Variants in EML5 observed in about 807,000 individuals in gnomAD.
The protein encoded by EML5 is echinoderm microtubule-associated protein-like 5.
EML5 carries 120 observed loss-of-function variants against 250.0 expected under a neutral mutation model. The ratio of observed to expected loss-of-function variants is 0.48; its 90% confidence interval spans 0.41 to 0.56. The LOEUF (loss-of-function observed/expected upper bound fraction) is 0.56, where lower values mean the gene tolerates loss of function less well. EML5 is among the 20% of genes least tolerant of loss of function. The pLI is 0.00. For missense variants in EML5, 2,006 were observed against 2,437.6 expected (o/e 0.82, Z 3.73); for synonymous variants, 771 against 806.5 (o/e 0.96, Z 0.75).
chr14:88,776,622 T>C (rs1222181608), intron 1 of EML5, among the ~76,000 whole-genome samples: 1 of 151,986 alleles, frequency 6.6e-6, no homozygotes, highest in Non-Finnish European at 1.5e-5. Context: ...GGCTCACACC[T>C]GTAATCCCAG....
intron 8 of EML5, among the ~76,000 whole-genome samples, chr14:88,723,225 C>T (rs898997283): frequency 3.9e-5 from 6 of 151,966 alleles, no homozygotes; most frequent in African/African-American, 7.2e-5. Context: ...CAAGCCTGGG[C>T]AACACAGTGA....
intron 33 of EML5, among the ~76,000 whole-genome samples, chr14:88,628,944 AG>A (rs1450884135): frequency 6.6e-6 from 1 of 152,108 alleles, no homozygotes; most frequent in Non-Finnish European, 1.5e-5. Context: ...ATAATAAAAT[AG>A]GTTATTTATG....
At chr14:88,672,349 T>C (rs770486405) in intron 21 of EML5, among the ~76,000 whole-genome samples, 51 of 152,030 alleles carry the variant, frequency 3.4e-4, no homozygotes, top group Non-Finnish European at 1.9e-4. Context: ...TTGAAACCAA[T>C]AAGAACATGG....
chr14:88,779,858 T>C (rs936767540), intron 1 of EML5, among the ~76,000 whole-genome samples: 4 of 152,254 alleles, frequency 2.6e-5, no homozygotes, highest in Non-Finnish European at 4.4e-5. Context: ...TGAGTTCATA[T>C]GGACATTTCC....
chr14:88,666,560 C>T (rs1239092117), intron 21 of EML5, among the ~76,000 whole-genome samples: 3 of 151,974 alleles, frequency 2.0e-5, no homozygotes, highest in African/African-American at 7.3e-5. Context: ...ATCTAATAGG[C>T]CATTATTAAA....
intron 33 of EML5, among the ~76,000 whole-genome samples, chr14:88,632,754 C>G (rs1361700040): frequency 6.6e-6 from 1 of 152,218 alleles, no homozygotes; most frequent in Non-Finnish European, 1.5e-5. Context: ...GCGCTGAACA[C>G]TTGCTTTCTT....
chr14:88,623,017 C>CTT (rs33958046), intron 36 of EML5: 15,023 of 150,478 alleles, frequency 0.1, 883 homozygotes, highest in Non-Finnish European at 0.13. Context: ...TCTCATAATA[C>CTT]TTTTTTTTTT....
At chr14:88,718,405 T>C (rs1566691935) in intron 8 of EML5, among the ~76,000 whole-genome samples, 1 of 152,104 alleles carries the variant, frequency 6.6e-6, no homozygotes, top group Admixed American at 6.6e-5. Context: ...CCTCTAATAT[T>C]TACTTGCTGG....
Position 88,618,820 on chromosome 14 carries a change from A to G in EML5, c.5376-8T>C. The G allele has an allele frequency of 6.4e-7, 1 of 1,565,858 alleles. No homozygotes were observed. Among genetic ancestry groups the G allele is most frequent in the Middle Eastern group, 1.8e-4 (1 of 5,548 alleles). ...CGGGAATCCGGACTAAATCTGAATCAAAACAAAACGTAAAAAGTATTAGAC... is the reference window on the plus strand; with the variant it reads ...CGGGAATCCGGACTAAATCTGAATCGAAACAAAACGTAAAAAGTATTAGAC... On this transcript the variant is annotated splice_polypyrimidine_tract_variant and splice_region_variant and intron_variant, in intron 39 of 43. Coordinates refer to ENST00000554922, the MANE Select transcript of EML5 (RefSeq NM_183387.3).
chr14:88,707,562 G>C (rs1165045383), intron 10 of EML5, among the ~76,000 whole-genome samples: 1 of 152,112 alleles, frequency 6.6e-6, no homozygotes, highest in South Asian at 2.1e-4. Flanking sequence ...TTTATATTAA[G>C]TTATAGAAGA....
intron 17 of EML5, among the ~76,000 whole-genome samples, chr14:88,689,738 CAA>C (rs1229697166): frequency 6.6e-6 from 1 of 151,592 alleles, no homozygotes; most frequent in Non-Finnish European, 1.5e-5. Context: ...TGTCTCCAAA[CAA>C]AAAGAGAGAG....
Position 88,633,910 on chromosome 14 carries a change from C to CA in EML5, c.4357+558dup, listed in dbSNP as rs569583282. ...ACAGGTGTGAGCTACCATGCTTGTCCAAAAAAAACCATTACTATTACCACA... is the reference window on the plus strand; with the variant it reads ...ACAGGTGTGAGCTACCATGCTTGTCCAAAAAAAAACCATTACTATTACCACA... On this transcript the variant is annotated intron_variant, in intron 33 of 43. Coordinates refer to ENST00000554922, the MANE Select transcript of EML5 (RefSeq NM_183387.3). Among the ~76,000 whole-genome samples, 151 of 151,518 alleles carry CA rather than the reference C, an allele frequency of 1.0e-3. No individual in the cohort carries two copies. In the Middle Eastern group the frequency reaches 0.017, roughly 17 times the overall value.
intron 19 of EML5, among the ~76,000 whole-genome samples, chr14:88,686,397 TATAATA>T (rs914570247): frequency 2.8e-4 from 42 of 151,488 alleles, no homozygotes; most frequent in African/African-American, 9.7e-4. Context: ...GAACTCAAGG[TATAATA>T]ATAATAATAA....
chr14:88,693,880 T>C (rs1422474132), intron 17 of EML5, among the ~76,000 whole-genome samples: 1 of 148,192 alleles, frequency 6.7e-6, no homozygotes, highest in East Asian at 2.1e-4. Flanking sequence ...AAGTGATCCT[T>C]CCACCTTATC....
intron 37 of EML5, chr14:88,622,383 A>C (rs2089158864): frequency 1.0e-5 from 4 of 383,536 alleles, no homozygotes; most frequent in Non-Finnish European, 4.6e-6. Context: ...AAAATATTGG[A>C]GGTTTACATA....
At chr14:88,713,831 A>C (rs2093445343) in intron 9 of EML5, among the ~76,000 whole-genome samples, 1 of 138,468 alleles carries the variant, frequency 7.2e-6, no homozygotes, top group Non-Finnish European at 1.6e-5. Flanking sequence ...ATATTTGCAA[A>C]GTTTATTTGT....
At chr14:88,702,821 T>C (rs996993627) in intron 13 of EML5, among the ~76,000 whole-genome samples, 189 bp from the exon 14 acceptor site, 2 of 152,156 alleles carry the variant, frequency 1.3e-5, no homozygotes, top group African/African-American at 2.4e-5. Context: ...GTGGTGTGAC[T>C]GCAGTTCCCT....
intron 8 of EML5, among the ~76,000 whole-genome samples, chr14:88,723,066 T>G (rs1164801447): frequency 1.3e-5 from 2 of 152,122 alleles, no homozygotes; most frequent in Non-Finnish European, 2.9e-5. Flanking sequence ...CCAACCTAAG[T>G]GTCCATCAAT....
At chr14:88,713,450 C>A (rs1324234240) in intron 9 of EML5, among the ~76,000 whole-genome samples, 1 of 151,916 alleles carries the variant, frequency 6.6e-6, no homozygotes. Flanking sequence ...TCCATCCATT[C>A]ATGCACTCAC....
Sources: allele counts gnomAD v4.1 joint callset (sites outside exome capture counted in the v4.1 genomes callset), GRCh38; gene constraint gnomAD v4.1.1; transcripts MANE v1.5; gene names NCBI Gene and HGNC (gene_info 2026-07-23, HGNC 2026-07-21).